Variants in TEX11 observed in about 807,000 individuals in gnomAD.
TEX11 encodes testis-expressed protein 11.
In TEX11, 7 loss-of-function variants were observed where a neutral mutation model predicts 84.4. The ratio of observed to expected loss-of-function variants is 0.08; its 90% CI spans 0.05 to 0.16. The LOEUF (loss-of-function observed/expected upper bound fraction) is 0.16, where lower values mean the gene tolerates loss of function less well. Ranked by LOEUF, TEX11 falls within the 10% of genes least tolerant of loss-of-function variation. The pLI is 1.00. For synonymous variants in TEX11, 264 were observed against 222.8 expected (o/e 1.18, Z -1.64); for missense variants, 551 against 660.5 (o/e 0.83, Z 1.82).
At chrX:70,552,950 G>C (rs2088236610) in intron 27 of TEX11, among the ~76,000 whole-genome samples, 1 of 111,228 alleles carries the variant, frequency 9.0e-6, no homozygotes, top group African/African-American at 3.3e-5. Context: ...AAATCTGGGT[G>C]GTGGATACGT....
At chrX:70,523,893 G>C in the TEX11 span, among the ~76,000 whole-genome samples, 1 of 109,662 alleles carries the variant, frequency 9.1e-6, no homozygotes, top group Non-Finnish European at 1.9e-5. Context: ...AGAGTCTTTA[G>C]AGGGGAGCTA....
At chrX:70,772,680 A>G (rs1395575519) in intron 9 of TEX11, among the ~76,000 whole-genome samples, 1 of 111,768 alleles carries the variant, frequency 8.9e-6, no homozygotes, top group Non-Finnish European at 1.9e-5. Flanking sequence ...ACTGCCTGAA[A>G]AAGAATTCAA....
chrX:70,558,589 C>T (rs1043540493), intron 25 of TEX11, among the ~76,000 whole-genome samples: 4 of 111,694 alleles, frequency 3.6e-5, no homozygotes, highest in East Asian at 2.8e-4. Flanking sequence ...TCAAAGTTAA[C>T]GAATTTTGTA....
At chrX:70,640,556 C>T (rs2089641605) in intron 17 of TEX11, among the ~76,000 whole-genome samples, 1 of 111,043 alleles carries the variant, frequency 9.0e-6, no homozygotes, top group South Asian at 3.9e-4. Flanking sequence ...GCCCATCAGA[C>T]TAACAGCGGA....
chrX:70,539,038 A>ATTTT (rs775537536), intron 28 of TEX11, among the ~76,000 whole-genome samples: 2 of 41,233 alleles, frequency 4.9e-5, no homozygotes, highest in African/African-American at 1.8e-4. Context: ...ATATATATAT[A>ATTTT]TTTTTTTTTT....
At chrX:70,811,518 T>C (rs1416807513) in intron 8 of TEX11, among the ~76,000 whole-genome samples, 2 of 111,943 alleles carry the variant, frequency 1.8e-5, no homozygotes, top group Non-Finnish European at 3.8e-5. Flanking sequence ...CAGCATGATT[T>C]ATAATCTTTT....
intron 24 of TEX11, 93 bp from the exon 25 acceptor site, chrX:70,591,916 G>A: frequency 5.3e-6 from 3 of 563,076 alleles, no homozygotes; most frequent in Non-Finnish European, 8.2e-6. Context: ...ATTAAAAACA[G>A]GTAAAAATAA....
chrX:70,739,775 CATTTT>C (rs1460427742), intron 11 of TEX11, among the ~76,000 whole-genome samples: 1 of 111,121 alleles, frequency 9.0e-6, no homozygotes, highest in Non-Finnish European at 1.9e-5. Flanking sequence ...GATATATACA[CATTTT>C]GTTTTGTTTG....
intron 4 of TEX11, among the ~76,000 whole-genome samples, chrX:70,867,906 C>A (rs1406248334): frequency 9.0e-6 from 1 of 111,707 alleles, no homozygotes; most frequent in African/African-American, 3.3e-5. Context: ...AACATAAGAC[C>A]TAAAACCATA....
At chrX:70,795,599 G>T (rs1569443709) in intron 9 of TEX11, among the ~76,000 whole-genome samples, 1 of 111,709 alleles carries the variant, frequency 9.0e-6, no homozygotes, top group Non-Finnish European at 1.9e-5. Context: ...AGGGGTGCTT[G>T]TATCACTCCT....
At chrX:70,835,113 ATATTCCTGTCTACACTATATTC>A (rs1211986018) in intron 7 of TEX11, among the ~76,000 whole-genome samples, 1 of 111,336 alleles carries the variant, frequency 9.0e-6, no homozygotes, top group African/African-American at 3.3e-5. Context: ...TTAGAAAATA[ATATTCCTGTCTACACTATATTC>A]TATGAATACT....
chrX:70,693,893 A>G (rs1281504791), intron 13 of TEX11, among the ~76,000 whole-genome samples: 1 of 111,676 alleles, frequency 9.0e-6, no homozygotes, highest in Non-Finnish European at 1.9e-5. Context: ...ACTGTATACA[A>G]TTTTTCAATT....
the TEX11 span, among the ~76,000 whole-genome samples, chrX:70,511,581 C>T: frequency 2.8e-5 from 3 of 105,957 alleles, no homozygotes; most frequent in East Asian, 8.9e-4. Flanking sequence ...AGTGAAACCA[C>T]ATCTCTACTA....
At chrX:70,751,074 G>A (rs746409606) in intron 9 of TEX11, among the ~76,000 whole-genome samples, 38 of 102,640 alleles carry the variant, frequency 3.7e-4, no homozygotes, top group African/African-American at 1.0e-3. Flanking sequence ...ACAGTGTGGC[G>A]ATACCTCAAG....
At chrX:70,536,757 C>T (rs1235624725) in intron 28 of TEX11, among the ~76,000 whole-genome samples, 2 of 111,986 alleles carry the variant, frequency 1.8e-5, no homozygotes, top group Non-Finnish European at 3.8e-5. Flanking sequence ...TAAGGCAAGT[C>T]CTTCCTTGTT....
chrX:70,715,557 A>G (rs2090489823), intron 13 of TEX11, among the ~76,000 whole-genome samples: 1 of 111,222 alleles, frequency 9.0e-6, no homozygotes, highest in Non-Finnish European at 1.9e-5. Flanking sequence ...TCCACTACTG[A>G]TACCCTTTCT....
At chrX:70,760,204 A>G (rs2090899297) in intron 9 of TEX11, among the ~76,000 whole-genome samples, 1 of 111,871 alleles carries the variant, frequency 8.9e-6, no homozygotes, top group Non-Finnish European at 1.9e-5. Context: ...TAATTTATAG[A>G]TTCAATGCCA....
intron 9 of TEX11, among the ~76,000 whole-genome samples, chrX:70,749,144 G>C (rs1393551655): frequency 9.3e-6 from 1 of 107,415 alleles, no homozygotes; most frequent in Non-Finnish European, 1.9e-5. Flanking sequence ...CACATCCCTT[G>C]TAAGTTGGAT....
At chrX:70,633,117 A>G (rs2089529884) in intron 17 of TEX11, among the ~76,000 whole-genome samples, 1 of 112,047 alleles carries the variant, frequency 8.9e-6, no homozygotes. Context: ...TTACAGGAAT[A>G]TAAAACTACA....
Sources: allele counts gnomAD v4.1 joint callset (sites outside exome capture counted in the v4.1 genomes callset), GRCh38; gene constraint gnomAD v4.1.1; transcripts MANE v1.5; gene names NCBI Gene and HGNC (gene_info 2026-07-23, HGNC 2026-07-21).